The following CHIC1 variants were observed in gnomAD, a reference collection of about 807,000 sequenced individuals.
The protein encoded by CHIC1 is cysteine-rich hydrophobic domain-containing protein 1.
Under a neutral mutation model 18.5 loss-of-function variants are expected in CHIC1, and 7 were observed. That is an observed-to-expected ratio of 0.38 (90% CI 0.22 to 0.71). CHIC1 has a LOEUF of 0.71. Among genes scored for constraint, CHIC1 ranks in the 30% least tolerant of loss-of-function variants. The pLI, the probability that CHIC1 is intolerant of heterozygous loss-of-function variation, is 0.49. For missense variants in CHIC1, 159 were observed against 176.9 expected, an observed-to-expected ratio of 0.90 and a Z score of 0.57; for synonymous variants, 77 against 73.5, an observed-to-expected ratio of 1.05 and a Z score of -0.25.
intron 3 of CHIC1, among the ~76,000 whole-genome samples, chrX:73,610,889 G>A (rs1477649435): frequency 1.9e-5 from 2 of 106,248 alleles, no homozygotes; most frequent in Admixed American, 9.8e-5. Flanking sequence ...AGTGTCGGAT[G>A]ATTTGTATTT....
intron 1 of CHIC1, among the ~76,000 whole-genome samples, chrX:73,572,095 A>G (rs191399639): frequency 9.0e-6 from 1 of 110,963 alleles, no homozygotes; most frequent in Non-Finnish European, 1.9e-5. Context: ...TAGTTTTACA[A>G]CCCTTACTCA....
chrX:73,573,349 AGTAT>A (rs2147540548), intron 1 of CHIC1, among the ~76,000 whole-genome samples: 1 of 111,400 alleles, frequency 9.0e-6, no homozygotes, highest in East Asian at 2.8e-4. Flanking sequence ...GTACCCTTGT[AGTAT>A]AGTTTGAAGT....
intron 3 of CHIC1, among the ~76,000 whole-genome samples, chrX:73,628,516 G>A (rs764479254): frequency 1.8e-5 from 2 of 111,703 alleles, no homozygotes; most frequent in East Asian, 2.8e-4. Flanking sequence ...TGCTCCCTCC[G>A]TGAGTGGGTG....
chrX:73,588,786 A>C (rs922826199), intron 3 of CHIC1, among the ~76,000 whole-genome samples: 1 of 110,191 alleles, frequency 9.1e-6, no homozygotes, highest in Admixed American at 9.7e-5. Context: ...TTCTATTTCT[A>C]CTTGAGTCAA....
In CHIC1 at chrX:73,677,512, C is replaced by A. The variant is rs550783468; in HGVS notation, c.508-1814C>A. Reference sequence around the variant, plus strand: ...ACTGCTGTGCTAGCAATGTGTGAGACCCTGTGGGCCTAGGACCCTCCGAGC... The same window carrying A: ...ACTGCTGTGCTAGCAATGTGTGAGAACCTGTGGGCCTAGGACCCTCCGAGC... On this transcript the variant is annotated intron_variant, in intron 3 of 5. Coordinates refer to ENST00000373502, the MANE Select transcript of CHIC1 (RefSeq NM_001039840.4). 2.0e-4 allele frequency among the ~76,000 whole-genome samples: 22 copies of A among 112,225 alleles called. No individual in the cohort carries two copies. In the Middle Eastern group the frequency reaches 0.014, roughly 70 times the overall value.
intron 3 of CHIC1, among the ~76,000 whole-genome samples, chrX:73,627,358 C>A (rs1228080447): frequency 8.9e-6 from 1 of 112,244 alleles, no homozygotes; most frequent in African/African-American, 3.2e-5. Context: ...AATCAGGTGG[C>A]AAATCCAGCC....
chrX:73,655,690 G>T (rs2057945713), intron 3 of CHIC1, among the ~76,000 whole-genome samples: 1 of 101,622 alleles, frequency 9.8e-6, no homozygotes, highest in South Asian at 4.3e-4. Flanking sequence ...ACATTATCAA[G>T]TCTATCATTG....
chrX:73,649,462 G>A (rs1377270543), intron 3 of CHIC1, among the ~76,000 whole-genome samples: 1 of 111,558 alleles, frequency 9.0e-6, no homozygotes, highest in Non-Finnish European at 1.9e-5. Context: ...CATCTCATGT[G>A]CAAAGACACA....
At chrX:73,662,458 G>A (rs1435458446) in intron 3 of CHIC1, among the ~76,000 whole-genome samples, 1 of 100,964 alleles carries the variant, frequency 9.9e-6, no homozygotes, top group African/African-American at 3.7e-5. Context: ...GATCTTATGC[G>A]ATCTAGTTGC....
At chrX:73,629,980 T>C (rs1296848783) in intron 3 of CHIC1, among the ~76,000 whole-genome samples, 2 of 112,018 alleles carry the variant, frequency 1.8e-5, no homozygotes, top group Non-Finnish European at 3.8e-5. Flanking sequence ...ATTAGTGTTT[T>C]ATACTTCACT....
intron 1 of CHIC1, among the ~76,000 whole-genome samples, chrX:73,565,383 A>G (rs779557616): frequency 8.0e-5 from 9 of 112,185 alleles, no homozygotes; most frequent in South Asian, 3.8e-4. Context: ...GGTACTTACC[A>G]ACCTATTTGC....
At chrX:73,625,031 G>T in intron 3 of CHIC1, among the ~76,000 whole-genome samples, 1 of 111,675 alleles carries the variant, frequency 9.0e-6, no homozygotes, top group South Asian at 3.7e-4. Flanking sequence ...AGGTTTCTGG[G>T]TTCTCTTTCC....
intron 3 of CHIC1, among the ~76,000 whole-genome samples, chrX:73,658,836 C>A (rs1333721771): frequency 2.7e-5 from 3 of 112,024 alleles, no homozygotes; most frequent in Admixed American, 9.5e-5. Context: ...ATTTTATCTT[C>A]GTTCTCATTT....
intron 3 of CHIC1, among the ~76,000 whole-genome samples, chrX:73,588,619 C>G (rs1184852578): frequency 9.0e-6 from 1 of 110,942 alleles, no homozygotes; most frequent in Non-Finnish European, 1.9e-5. Context: ...CTGTATTTTA[C>G]AAAAGTTTAA....
chrX:73,675,034 G>T (rs979452372), intron 3 of CHIC1, among the ~76,000 whole-genome samples: 1 of 111,972 alleles, frequency 8.9e-6, no homozygotes, highest in Non-Finnish European at 1.9e-5. Context: ...TTTCCATGTA[G>T]TTGAGCAGTT....
At chrX:73,653,049 TAA>T (rs2057925052) in intron 3 of CHIC1, among the ~76,000 whole-genome samples, 1 of 111,739 alleles carries the variant, frequency 8.9e-6, no homozygotes, top group African/African-American at 3.3e-5. Flanking sequence ...TATGCAGCCA[TAA>T]AAAGAGATTA....
intron 3 of CHIC1, among the ~76,000 whole-genome samples, chrX:73,588,411 A>G (rs1010804591): frequency 9.0e-6 from 1 of 111,239 alleles, no homozygotes; most frequent in African/African-American, 3.2e-5. Context: ...GGAAAAATAC[A>G]CGACATAAAA....
chrX:73,683,050 T>A lies in CHIC1; in HGVS notation c.*2045T>A, dbSNP rs1375922663. 2 of 111,200 alleles carry A rather than the reference T, an allele frequency of 1.8e-5. No individual in the cohort carries two copies. The highest frequency in any genetic ancestry group is 3.8e-5 in the Non-Finnish European group (2 of 52,782). The allele number at this position is 111,200 out of a possible 1,213,427, so 9.2% of individuals were successfully genotyped here. A position where few individuals can be genotyped will look rare whatever the true frequency, so the allele number is the denominator to read the frequency against. On this transcript the variant is annotated 3_prime_UTR_variant, in exon 6 of 6. Transcript: ENST00000373502. ...ACCTTAGAATTTGATCATATGATGG[T>A]CATAGGAACTTTTTCTGCCATGTAT...
At chrX:73,647,141 A>G (rs1015894504) in intron 3 of CHIC1, among the ~76,000 whole-genome samples, 2 of 111,770 alleles carry the variant, frequency 1.8e-5, no homozygotes, top group African/African-American at 6.5e-5. Flanking sequence ...CTACCCAGCT[A>G]GGGAAACCAT....
Sources: gnomAD v4.1 joint callset for allele counts (sites outside exome capture counted in the v4.1 genomes callset) on GRCh38, gnomAD v4.1.1 for gene constraint, MANE v1.5 for transcripts, NCBI Gene and HGNC (gene_info 2026-07-23, HGNC 2026-07-21) for gene names.